PPARGC1A: variants seen among roughly 807,000 people sequenced by gnomAD.
PPARGC1A encodes the protein PPARG coactivator 1 alpha.
PPARGC1A carries 25 observed loss-of-function variants against 88.7 expected under a neutral mutation model. The observed-to-expected ratio is 0.28, with a 90% confidence interval of 0.21 to 0.39. PPARGC1A has a LOEUF of 0.39. Among genes scored for constraint, PPARGC1A ranks in the 10% least tolerant of loss-of-function variants. PPARGC1A has a pLI of 1.00. For synonymous variants in PPARGC1A, 363 were observed against 355.6 expected, an observed-to-expected ratio of 1.02 and a Z score of -0.24; for missense variants, 880 against 968.7, an observed-to-expected ratio of 0.91 and a Z score of 1.22.
the PPARGC1A span, among the ~76,000 whole-genome samples, chr4:24,053,613 A>G: frequency 9.2e-5 from 14 of 152,360 alleles, no homozygotes; most frequent in Admixed American, 1.3e-4. Context: ...TTTATGGTGA[A>G]TAAGAATAAA....
At chr4:24,471,236 G>C in the PPARGC1A span, among the ~76,000 whole-genome samples, 33,368 of 151,842 alleles carry the variant, frequency 0.22, 4,486 homozygotes, top group Middle Eastern at 0.3. The surrounding 1 kb of genome is among the most constrained non-coding windows in gnomAD (Gnocchi z 5.4). Flanking sequence ...CGCCCACCGA[G>C]TAGCTAATGC....
At chr4:24,350,677 G>T in the PPARGC1A span, among the ~76,000 whole-genome samples, 1 of 152,178 alleles carries the variant, frequency 6.6e-6, no homozygotes, top group African/African-American at 2.4e-5. Flanking sequence ...GCTAATAGAT[G>T]ACTTGAACCA....
At chr4:24,007,179 G>A in the PPARGC1A span, among the ~76,000 whole-genome samples, 12 of 152,048 alleles carry the variant, frequency 7.9e-5, no homozygotes, top group African/African-American at 2.7e-4. Context: ...ATTCCATCAC[G>A]ATCTTCTGTA....
the PPARGC1A span, among the ~76,000 whole-genome samples, chr4:23,970,656 T>C: frequency 5.9e-5 from 9 of 152,202 alleles, no homozygotes; most frequent in Non-Finnish European, 8.8e-5. Context: ...CTATGTTCTT[T>C]GCCTTGATCA....
chr4:24,027,196 A>AGTGTGTGTGTGTGTGTGTGT, the PPARGC1A span, among the ~76,000 whole-genome samples: 1,854 of 132,764 alleles, frequency 0.014, 16 homozygotes, highest in Non-Finnish European at 0.019. Flanking sequence ...ACCTCAGGCT[A>AGTGTGTGTGTGTGTGTGTGT]GTGTGTGTGT....
the PPARGC1A span, among the ~76,000 whole-genome samples, chr4:24,035,514 C>T: frequency 6.6e-6 from 1 of 151,778 alleles, no homozygotes; most frequent in Non-Finnish European, 1.5e-5. Flanking sequence ...CCATCACATT[C>T]CAGCCTGGGC....
the PPARGC1A span, among the ~76,000 whole-genome samples, chr4:24,061,320 T>C: frequency 4.6e-5 from 7 of 152,176 alleles, no homozygotes; most frequent in African/African-American, 9.6e-5. Flanking sequence ...CTTGATTCCA[T>C]TCATTCAGGC....
At chr4:23,885,024 G>T in intron 1 of PPARGC1A, 93 bp from the exon 2 acceptor site, 1 of 1,138,144 alleles carries the variant, frequency 8.8e-7, no homozygotes, top group Non-Finnish European at 1.2e-6. Context: ...ATTAAGCCTA[G>T]TTAATTCAAC....
chr4:24,207,363 G>A, the PPARGC1A span, among the ~76,000 whole-genome samples: 1 of 152,062 alleles, frequency 6.6e-6, no homozygotes, highest in Admixed American at 6.6e-5. Context: ...CACAAAACAG[G>A]CCCTAACTGC....
At chr4:24,064,449 C>T in the PPARGC1A span, among the ~76,000 whole-genome samples, 1 of 152,022 alleles carries the variant, frequency 6.6e-6, no homozygotes, top group South Asian at 2.1e-4. Context: ...ATGCACACCA[C>T]AGGCTGAGGG....
the PPARGC1A span, among the ~76,000 whole-genome samples, chr4:24,040,541 G>A: frequency 1.7e-3 from 264 of 152,204 alleles, no homozygotes; most frequent in Non-Finnish European, 3.0e-3. Flanking sequence ...ATTGGCTTCG[G>A]ATATTGACTT....
chr4:24,172,774 G>A, the PPARGC1A span, among the ~76,000 whole-genome samples: 5 of 152,112 alleles, frequency 3.3e-5, no homozygotes, highest in South Asian at 2.1e-4. Flanking sequence ...ATGCAAACAC[G>A]GCACTTTACC....
At chr4:24,387,810 AAGAAAGAAAGAAAGAGAGAAAGAG>A in the PPARGC1A span, among the ~76,000 whole-genome samples, 3 of 108,400 alleles carry the variant, frequency 2.8e-5, no homozygotes, top group South Asian at 9.9e-4. Flanking sequence ...GAAAGAAAGA[AAGAAAGAAAGAAAGAGAGAAAGAG>A]AGAAAGAGAG....
At chr4:24,239,861 G>A in the PPARGC1A span, among the ~76,000 whole-genome samples, 1 of 152,204 alleles carries the variant, frequency 6.6e-6, no homozygotes, top group East Asian at 1.9e-4. Flanking sequence ...GGAAGGGAAC[G>A]GGTGGGTTTG....
chr4:23,890,272 AC>A (rs1390151299), upstream of PPARGC1A: 2 of 315,484 alleles, frequency 6.3e-6, no homozygotes, highest in African/African-American at 2.1e-5. Flanking sequence ...AAACACTTAG[AC>A]TTTTGGAGGC....
At chr4:24,065,478 G>A in the PPARGC1A span, among the ~76,000 whole-genome samples, 8 of 152,202 alleles carry the variant, frequency 5.3e-5, no homozygotes, top group Admixed American at 4.6e-4. Context: ...GTTCGGCAAT[G>A]CCTTCAGTGT....
the PPARGC1A span, among the ~76,000 whole-genome samples, chr4:24,295,023 T>C: frequency 0.27 from 40,827 of 152,086 alleles, 5,885 homozygotes; most frequent in Non-Finnish European, 0.32. Flanking sequence ...TGTGCTGTGG[T>C]CAATCACAGG....
chr4:24,459,800 A>AAAC, the PPARGC1A span, among the ~76,000 whole-genome samples: 2 of 152,194 alleles, frequency 1.3e-5, no homozygotes, highest in African/African-American at 4.8e-5. Flanking sequence ...AAAAATAAAC[A>AAAC]AACAACAACA....
chr4:23,812,469 C>A lies in PPARGC1A; in HGVS notation c.2019+278G>T, dbSNP rs141031043. Among the ~76,000 whole-genome samples, 196 of 152,164 alleles carry A rather than the reference C, an allele frequency of 1.3e-3. 2 individuals carry two copies. The East Asian group carries it at 0.028, about 21-fold the overall frequency. ...ACAAATATCTGACTGAAAAAAAAATCTCTACTCCCTCCATTTTTCAAAACA... is the reference window on the plus strand; with the variant it reads ...ACAAATATCTGACTGAAAAAAAAATATCTACTCCCTCCATTTTTCAAAACA... On this transcript the variant is annotated intron_variant, in intron 10 of 12. Coordinates refer to ENST00000264867, the MANE Select transcript of PPARGC1A (RefSeq NM_013261.5).
Sources: gnomAD v4.1 joint callset for allele counts (sites outside exome capture counted in the v4.1 genomes callset) on GRCh38, gnomAD v4.1.1 for gene constraint, Gnocchi (gnomAD v3.1) non-coding constraint, MANE v1.5 for transcripts, NCBI Gene and HGNC (gene_info 2026-07-23, HGNC 2026-07-21) for gene names.